SRRM2: variants seen among roughly 807,000 people sequenced by gnomAD.
The protein encoded by SRRM2 is serine/arginine repetitive matrix protein 2.
A neutral mutation model predicts 213.8 loss-of-function variants in SRRM2; 30 were observed. The ratio of observed to expected loss-of-function variants is 0.14; its 90% CI spans 0.10 to 0.19. The LOEUF (loss-of-function observed/expected upper bound fraction) is 0.19, where lower values mean the gene tolerates loss of function less well. SRRM2 is among the 10% of genes least tolerant of loss of function. The pLI, the probability that SRRM2 is intolerant of heterozygous loss-of-function variation, is 1.00. For synonymous variants in SRRM2, 2,025 were observed against 1,377.7 expected (o/e 1.47, Z -10.40); for missense variants, 4,904 against 3,647.0 (o/e 1.34, Z -8.88).
rs1288690090 is a variant in SRRM2 at position 2,770,904 on chromosome 16, G to A, written c.*37G>A. On this transcript the variant is annotated 3_prime_UTR_variant, in exon 15 of 15. Coordinates refer to ENST00000301740, the MANE Select transcript of SRRM2 (RefSeq NM_016333.4). ...GGGATTCCACCACACCCAATGCTCT[G>A]GAGCCACAAGGAGTGTCCCTTCTTC... 5 of 1,612,732 alleles carry A rather than the reference G, an allele frequency of 3.1e-6. No individual in the cohort carries two copies. In the African/African-American group the frequency reaches 6.7e-5, roughly 22 times the overall value.
chr16:2,757,436 C>T (rs2068184297), intron 2 of SRRM2, 36 bp from the exon 3 acceptor site: 2 of 1,590,818 alleles, frequency 1.3e-6, no homozygotes, highest in Non-Finnish European at 1.7e-6. Context: ...GGAAAGTGTC[C>T]TGTCGAGCTT....
At chr16:2,761,465 G>A in intron 10 of SRRM2, 96 bp from the exon 11 acceptor site, 1 of 1,085,192 alleles carries the variant, frequency 9.2e-7, no homozygotes, top group East Asian at 2.7e-5. Flanking sequence ...GTGTGTAAAA[G>A]AAAAGTTATC....
Position 2,766,200 on chromosome 16 carries a change from G to A in SRRM2, c.5672G>A (p.Arg1891Gln), listed in dbSNP as rs994673971. 1.2e-5 allele frequency: 19 copies of A among 1,613,976 alleles called. No homozygotes were observed. The highest frequency in any genetic ancestry group is 2.2e-5 in the East Asian group (1 of 44,882). Reference sequence around the variant, plus strand: ...ATAAGCCGACGTAGGTCCAGATCTCGAACTTCACCAGTCAGCCGGAGACGG... The same window carrying A: ...ATAAGCCGACGTAGGTCCAGATCTCAAACTTCACCAGTCAGCCGGAGACGG... The part of the protein sequence containing the change: ...PLISRRRSRS[R>Q]TSPVSRRRSR... Residue 1891 changes from arginine (R) to glutamine (Q), a missense_variant, in exon 11 of 15, where the codon CGA becomes CAA. By Grantham distance (43) the Arg-to-Gln change is conservative. Transcript: ENST00000301740. The surrounding 1 kb of genome is among the most constrained non-coding windows in gnomAD (Gnocchi z 7.0).
chr16:2,763,396 C>T lies in SRRM2; in HGVS notation c.2868C>T (p.Cys956=), dbSNP rs1418033766. 3 of 1,614,128 alleles carry T rather than the reference C, an allele frequency of 1.9e-6. No individual in the cohort carries two copies. Among genetic ancestry groups the T allele is most frequent in the African/African-American group, 1.3e-5 (1 of 74,926 alleles). Residue 956 remains cysteine, a synonymous_variant, in exon 11 of 15, where the codon TGC becomes TGT. Coordinates refer to ENST00000301740, the MANE Select transcript of SRRM2 (RefSeq NM_016333.4). ...TPRRSRSVSP[C]SNVESRLLPR... ...GGCGAAGCAGATCAGTATCTCCCTG[C>T]TCCAATGTGGAATCCAGATTGTTGC...
Position 2,762,026 on chromosome 16 carries a change from C to G in SRRM2, c.1498C>G (p.Pro500Ala), listed in dbSNP as rs1306798298. 5 of 1,614,220 alleles carry G rather than the reference C, an allele frequency of 3.1e-6. No homozygotes were observed. In the South Asian group the frequency reaches 5.5e-5, roughly 18 times the overall value. The change falls in exon 11 of 15, where the codon CCT becomes GCT. Residue 500 changes from proline to alanine, a missense_variant. Transcript: ENST00000301740. ...GAGAGGGCGATCTCGGTCTCGAACCCCTACCAAGAGAGGTCATTCTCGATC... is the reference window on the plus strand; with the variant it reads ...GAGAGGGCGATCTCGGTCTCGAACCGCTACCAAGAGAGGTCATTCTCGATC... ...AKRGRSRSRT[P>A]TKRGHSRSRS...
In SRRM2 at chr16:2,759,128, T is replaced by G. The variant is rs778433960; in HGVS notation, c.657-12T>G. On this transcript the variant is annotated splice_polypyrimidine_tract_variant and intron_variant, in intron 6 of 14. Transcript: ENST00000301740. ...GTGTTTCTTATGTTTTTTCTTCTCT[T>G]TTTTCCAACAGGTCAGAATCTGAGT... The G allele has an allele frequency of 6.2e-7, 1 of 1,613,980 alleles. No individual in the cohort carries two copies. Among genetic ancestry groups the G allele is most frequent in the Non-Finnish European group, 8.5e-7 (1 of 1,180,006 alleles).
At chr16:2,758,008 T>A in intron 4 of SRRM2, 63 bp downstream of exon 4, 1 of 1,542,334 alleles carries the variant, frequency 6.5e-7, no homozygotes, top group Non-Finnish European at 8.7e-7. Context: ...ATGCTCTATT[T>A]TTGTCTTTTT....
At chr16:2,756,730 G>A in intron 2 of SRRM2, 124 bp downstream of exon 2, 1 of 1,339,836 alleles carries the variant, frequency 7.5e-7, no homozygotes, top group Non-Finnish European at 1.0e-6. Context: ...TAGGGGAGGA[G>A]GCAGATGAGC....
intron 4 of SRRM2, 105 bp from the exon 5 acceptor site, chr16:2,758,365 T>G (rs938107988): frequency 9.1e-7 from 1 of 1,101,354 alleles, no homozygotes; most frequent in African/African-American, 1.6e-5. Flanking sequence ...AGCGAGACTC[T>G]TATTTTTTTA....
At chr16:2,769,337 G>A in intron 12 of SRRM2, 53 bp downstream of exon 12, 2 of 1,520,308 alleles carry the variant, frequency 1.3e-6, no homozygotes, top group Non-Finnish European at 1.8e-6. Flanking sequence ...GACTTGTCCA[G>A]AGAAGGGGCC....
At chr16:2,753,191 G>C (rs1389922787) in intron 1 of SRRM2, among the ~76,000 whole-genome samples, 1 of 151,066 alleles carries the variant, frequency 6.6e-6, no homozygotes, top group Non-Finnish European at 1.5e-5. Context: ...TGCCGTTTTC[G>C]GCCCTTAAGT....
Position 2,766,792 on chromosome 16 carries a change from A to G in SRRM2, c.6264A>G (p.Ser2088=). ...RSASGSSSDR[S]RSATPPATRN... is the part of the protein sequence containing the mutation. ...CATCTGGAAGTAGTTCTGATCGTTC[A>G]CGATCTGCTACTCCTCCAGCAACAA... The change falls in exon 11 of 15, where the codon TCA becomes TCG. Residue 2088 remains serine, a synonymous_variant. Coordinates refer to ENST00000301740, the MANE Select transcript of SRRM2 (RefSeq NM_016333.4). This position sits in a 1 kb window ranked among gnomAD's most constrained non-coding sequence, Gnocchi z 7.0. 6.2e-7 allele frequency: 1 copy of G among 1,614,158 alleles called. No individual in the cohort carries two copies. Among genetic ancestry groups the G allele is most frequent in the Non-Finnish European group, 8.5e-7 (1 of 1,180,020 alleles).
In SRRM2 at chr16:2,752,729, G is replaced by A; in HGVS notation, c.-149G>A. On this transcript the variant is annotated 5_prime_UTR_variant, in exon 1 of 15. Coordinates refer to ENST00000301740, the MANE Select transcript of SRRM2 (RefSeq NM_016333.4). ...AGGAAGCGAGGAGGCGTCGGCGTCG[G>A]CTGAGGCGGGCGGACCGGCGAGGCG... 1 of 350,112 alleles carries A rather than the reference G, an allele frequency of 2.9e-6. No individual in the cohort carries two copies. Among genetic ancestry groups the A allele is most frequent in the Non-Finnish European group, 5.7e-6 (1 of 176,102 alleles). The allele number at this position is 350,112 out of a possible 1,614,324, so 21.7% of individuals were successfully genotyped here. A position where few individuals can be genotyped will look rare whatever the true frequency, so the allele number is the denominator to read the frequency against.
chr16:2,763,062 A>C lies in SRRM2; in HGVS notation c.2534A>C (p.Lys845Thr), dbSNP rs757955980. 8 of 1,613,990 alleles carry C rather than the reference A, an allele frequency of 5.0e-6. No individual in the cohort carries two copies. In the African/African-American group the frequency reaches 1.1e-4, roughly 22 times the overall value. ...AGTTCATCTCCTCATCCTAAAGTGA[A>C]ATCTGGAACACCACCGAGGCAAGGG... Reference protein sequence around the residue: ...HSSSSPHPKVKSGTPPRQGSI... With the variant: ...HSSSSPHPKVTSGTPPRQGSI... The change falls in exon 11 of 15, where the codon AAA becomes ACA. Residue 845 changes from lysine to threonine, a missense_variant. Coordinates refer to ENST00000301740, the MANE Select transcript of SRRM2 (RefSeq NM_016333.4).
intron 1 of SRRM2, chr16:2,753,574 G>A (rs1024135039): frequency 6.6e-6 from 1 of 152,196 alleles, no homozygotes; most frequent in East Asian, 1.9e-4. Context: ...CCGAGAATTC[G>A]TGTTCAAACT....
intron 12 of SRRM2, 52 bp from the exon 13 acceptor site, chr16:2,770,300 G>A (rs939252711): frequency 9.9e-6 from 15 of 1,514,868 alleles, no homozygotes; most frequent in East Asian, 2.5e-5. Context: ...CTGAGTGCTG[G>A]CCCGTGTGCT....
rs115246134 is a variant in SRRM2 at position 2,761,242 on chromosome 16, G to C, written c.1033-319G>C. Among the ~76,000 whole-genome samples, 812 of 152,216 alleles carry C rather than the reference G, an allele frequency of 5.3e-3. 4 individuals carry two copies. Among genetic ancestry groups the C allele is most frequent in the African/African-American group, 0.019 (775 of 41,520 alleles). ...AAGGTGAAGTTGCCATTCGCTTTAG[G>C]AAACTGCTTATTTTTCCATTTAAAG... On this transcript the variant is annotated intron_variant, in intron 10 of 14. Transcript: ENST00000301740.
Position 2,763,498 on chromosome 16 carries a change from A to G in SRRM2, c.2970A>G (p.Ser990=), listed in dbSNP as rs745681451. 1.5e-5 allele frequency: 24 copies of G among 1,614,194 alleles called. No homozygotes were observed. Among genetic ancestry groups the G allele is most frequent in the East Asian group, 1.3e-4 (6 of 44,882 alleles). ...KPETPPRQSH[S]GSISPYPKVK... is the part of the protein sequence containing the mutation. Reference sequence around the variant, plus strand: ...AAACACCGCCAAGACAAAGTCACTCAGGGTCTATTTCACCATACCCCAAAG... The same window carrying G: ...AAACACCGCCAAGACAAAGTCACTCGGGGTCTATTTCACCATACCCCAAAG... Residue 990 remains serine (S), a synonymous_variant, in exon 11 of 15, where the codon TCA becomes TCG. Coordinates refer to ENST00000301740, the MANE Select transcript of SRRM2 (RefSeq NM_016333.4).
Position 2,761,858 on chromosome 16 carries a change from G to C in SRRM2, c.1330G>C (p.Ala444Pro), listed in dbSNP as rs1247618685. 6.2e-7 allele frequency: 1 copy of C among 1,608,342 alleles called. No individual in the cohort carries two copies. Among genetic ancestry groups the C allele is most frequent in the African/African-American group, 1.4e-5 (1 of 73,448 alleles). ...CTCTTCCCCAGAAAGTCCTAAACCT[G>C]CTCCAGCTCCAGGGTCCCACCGAGA... ...ASSSPESPKPAPAPGSHREIS... is the reference protein window; with the variant it reads ...ASSSPESPKPPPAPGSHREIS... The change falls in exon 11 of 15, where the codon GCT becomes CCT. Residue 444 changes from alanine to proline, a missense_variant. Transcript: ENST00000301740.
Sources: gnomAD v4.1 joint callset for allele counts (sites outside exome capture counted in the v4.1 genomes callset) on GRCh38, gnomAD v4.1.1 for gene constraint, Gnocchi (gnomAD v3.1) non-coding constraint, MANE v1.5 for transcripts, NCBI Gene and HGNC (gene_info 2026-07-23, HGNC 2026-07-21) for gene names.